The following FARP1 variants were observed in gnomAD, a reference collection of about 807,000 sequenced individuals.
FARP1 encodes FERM, ARH/RhoGEF and pleckstrin domain protein 1.
Under a neutral mutation model 128.8 loss-of-function variants are expected in FARP1, and 52 were observed. The ratio of observed to expected loss-of-function variants is 0.40; its 90% CI spans 0.32 to 0.51. The LOEUF (loss-of-function observed/expected upper bound fraction) is 0.51. Among genes scored for constraint, FARP1 ranks in the 20% least tolerant of loss-of-function variants. The pLI is 0.45. For synonymous variants in FARP1, 580 were observed against 551.8 expected (o/e 1.05, Z -0.72); for missense variants, 1,333 against 1,367.9 (o/e 0.97, Z 0.40).
At chr13:98,425,120 G>A (rs1469955623) in intron 17 of FARP1, among the ~76,000 whole-genome samples, 4 of 151,674 alleles carry the variant, frequency 2.6e-5, no homozygotes, top group Non-Finnish European at 5.9e-5. Context: ...TTTAGCGAAA[G>A]CATTTTTAGT....
At chr13:98,292,920 C>T (rs1367104784) in intron 2 of FARP1, among the ~76,000 whole-genome samples, 2 of 151,932 alleles carry the variant, frequency 1.3e-5, no homozygotes, top group Non-Finnish European at 2.9e-5. Context: ...GTGTAGATAA[C>T]GTGCTTTGTT....
intron 1 of FARP1, among the ~76,000 whole-genome samples, chr13:98,154,553 G>A (rs1167632752): frequency 6.6e-6 from 1 of 152,154 alleles, no homozygotes; most frequent in Non-Finnish European, 1.5e-5. Flanking sequence ...AAATCTCGAG[G>A]CCCAGAATGG....
intron 3 of FARP1, among the ~76,000 whole-genome samples, chr13:98,353,489 C>T (rs1239269881): frequency 6.6e-6 from 1 of 152,208 alleles, no homozygotes; most frequent in African/African-American, 2.4e-5. Context: ...AGTGATCCTC[C>T]TGTCTCAGCC....
At position 98,435,655 on chromosome 13, in the gene FARP1, C is replaced by T. The variant is rs371580299; in HGVS notation, c.2223C>T (p.His741=). 8 of 1,614,034 alleles carry T rather than the reference C, an allele frequency of 5.0e-6. No homozygotes were observed. Among genetic ancestry groups the T allele is most frequent in the Middle Eastern group, 1.6e-4 (1 of 6,062 alleles). The change falls in exon 19 of 27, where the codon CAC becomes CAT. Residue 741 remains histidine, a synonymous_variant. Transcript: ENST00000319562. ...AGATGGAGAATTTCCAGAAGCTGCACGAACTCAAGAAAGATTTGATTGGCA... is the reference window on the plus strand; with the variant it reads ...AGATGGAGAATTTCCAGAAGCTGCATGAACTCAAGAAAGATTTGATTGGCA... ...MIKMENFQKL[H]ELKKDLIGID...
chr13:98,239,328 C>T (rs1207556548), intron 2 of FARP1, among the ~76,000 whole-genome samples: 2 of 152,214 alleles, frequency 1.3e-5, no homozygotes, highest in African/African-American at 4.8e-5. Flanking sequence ...CAGGTTCAGC[C>T]AAGGCCCTCA....
At chr13:98,272,547 G>A (rs530129723) in intron 2 of FARP1, among the ~76,000 whole-genome samples, 2 of 152,292 alleles carry the variant, frequency 1.3e-5, no homozygotes, top group African/African-American at 4.8e-5. Context: ...GTCACTAGGG[G>A]CTCAATATTA....
At chr13:98,244,520 C>T in intron 2 of FARP1, 1 of 1,614,178 alleles carries the variant, frequency 6.2e-7, no homozygotes, top group Non-Finnish European at 8.5e-7. Context: ...TCCTCAAAGC[C>T]ACCGGCTCCT....
At chr13:98,343,719 C>G in intron 2 of FARP1, 43 bp from the exon 3 acceptor site, 1 of 1,363,138 alleles carries the variant, frequency 7.3e-7, no homozygotes, top group Non-Finnish European at 1.0e-6. Flanking sequence ...TTGTTTTCAT[C>G]CGTGCCTGCC....
At chr13:98,273,170 G>A (rs1884466666) in intron 2 of FARP1, among the ~76,000 whole-genome samples, 2 of 152,138 alleles carry the variant, frequency 1.3e-5, no homozygotes, top group South Asian at 4.2e-4. Flanking sequence ...GCTTATAGGT[G>A]GATTCAGAGA....
intron 16 of FARP1, among the ~76,000 whole-genome samples, chr13:98,415,978 T>C (rs1296429779): frequency 6.6e-6 from 1 of 152,226 alleles, no homozygotes; most frequent in East Asian, 1.9e-4. Context: ...GTTACGCAAA[T>C]GGCACAGTGT....
intron 17 of FARP1, among the ~76,000 whole-genome samples, chr13:98,428,592 C>G (rs1452927299): frequency 6.6e-6 from 1 of 152,200 alleles, no homozygotes; most frequent in Non-Finnish European, 1.5e-5. Context: ...GAATGCAGTC[C>G]AAACTCTAAA....
At chr13:98,435,952 C>A in intron 19 of FARP1, 1 of 567,064 alleles carries the variant, frequency 1.8e-6, no homozygotes, top group South Asian at 1.6e-5. Context: ...CGCTTCTTTA[C>A]CTTTTCCCCT....
chr13:98,419,086 A>G lies in FARP1; in HGVS notation c.1827-5486A>G, dbSNP rs565213725. Among the ~76,000 whole-genome samples, 10 of 152,316 alleles carry G rather than the reference A, an allele frequency of 6.6e-5. No individual in the cohort carries two copies. In the South Asian group the frequency reaches 1.2e-3, roughly 19 times the overall value. On this transcript the variant is annotated intron_variant, in intron 16 of 26. Transcript: ENST00000319562. ...TGAAGATGCCTCTCGCACAAATGTC[A>G]TCTTGACAAGTGGGCATGTGAATTA...
intron 2 of FARP1, among the ~76,000 whole-genome samples, chr13:98,232,922 C>G (rs1453366730): frequency 2.0e-5 from 3 of 152,190 alleles, no homozygotes; most frequent in Non-Finnish European, 4.4e-5. Flanking sequence ...CTGTGAAGGC[C>G]TTTCATGGTA....
rs1180327064 is a variant in FARP1 at position 98,450,936 on chromosome 13, C to G, written c.*2619C>G. The G allele has an allele frequency of 2.0e-5, 3 of 152,166 alleles. No individual in the cohort carries two copies. The highest frequency in any genetic ancestry group is 1.3e-4 in the Admixed American group (2 of 15,276). 9.4% of individuals were successfully genotyped at this position (152,166 alleles called of 1,614,324 possible). A position where few individuals can be genotyped will look rare whatever the true frequency, so the allele number is the denominator to read the frequency against. On this transcript the variant is annotated 3_prime_UTR_variant, in exon 27 of 27. Coordinates refer to ENST00000319562, the MANE Select transcript of FARP1 (RefSeq NM_005766.4). ...GGCGAGCTTTCTAACTCCATCAAAC[C>G]CCACCTCCCCCGACAGGAAATGCTG...
chr13:98,266,732 C>G (rs1884134191), intron 2 of FARP1, among the ~76,000 whole-genome samples: 1 of 152,120 alleles, frequency 6.6e-6, no homozygotes, highest in African/African-American at 2.4e-5. Flanking sequence ...TGGCATGAGG[C>G]CGGGCGTGGT....
At chr13:98,240,291 G>A (rs537148961) in intron 2 of FARP1, among the ~76,000 whole-genome samples, 9 of 152,290 alleles carry the variant, frequency 5.9e-5, no homozygotes, top group African/African-American at 1.9e-4. Context: ...AGGGGTCAGC[G>A]AGTGCTGGCC....
chr13:98,393,052 A>G (rs585170), intron 11 of FARP1, among the ~76,000 whole-genome samples: 2,354 of 152,262 alleles, frequency 0.015, 59 homozygotes, highest in African/African-American at 0.053. Flanking sequence ...TGAGCATTTC[A>G]GTGCCTGTTT....
intron 17 of FARP1, among the ~76,000 whole-genome samples, chr13:98,430,357 G>A (rs372298025): frequency 9.2e-5 from 14 of 152,222 alleles, no homozygotes; most frequent in African/African-American, 3.4e-4. Flanking sequence ...CGGTTTTTGT[G>A]TCCTGGGGTG....
Sources: gnomAD v4.1 joint callset for allele counts (sites outside exome capture counted in the v4.1 genomes callset) on GRCh38, gnomAD v4.1.1 for gene constraint, MANE v1.5 for transcripts, NCBI Gene and HGNC (gene_info 2026-07-23, HGNC 2026-07-21) for gene names.